EIF3H: variants seen among roughly 807,000 people sequenced by gnomAD.
EIF3H encodes eIF-3-gamma.
In EIF3H, 26 loss-of-function variants were observed where a neutral mutation model predicts 44.2. The observed-to-expected ratio is 0.59, with a 90% confidence interval of 0.43 to 0.82. The LOEUF (loss-of-function observed/expected upper bound fraction) is 0.82, where lower values mean the gene tolerates loss of function less well. Ranked by LOEUF, EIF3H falls within the 40% of genes least tolerant of loss-of-function variation. The pLI is 0.00. For missense variants in EIF3H, 359 were observed against 432.8 expected, an observed-to-expected ratio of 0.83 and a Z score of 1.51; for synonymous variants, 166 against 151.9, an observed-to-expected ratio of 1.09 and a Z score of -0.68.
chr8:116,747,196 G>C (rs763473947), intron 1 of EIF3H, among the ~76,000 whole-genome samples: 11 of 152,120 alleles, frequency 7.2e-5, no homozygotes, highest in Non-Finnish European at 1.5e-4. Flanking sequence ...CTGAGTAACT[G>C]GGATTACAGG....
chr8:116,703,832 G>C (rs1473660613), intron 2 of EIF3H, among the ~76,000 whole-genome samples: 2 of 152,094 alleles, frequency 1.3e-5, no homozygotes, highest in Non-Finnish European at 2.9e-5. Flanking sequence ...CTTTTCTTCT[G>C]TCTCTTTGTC....
At chr8:116,765,319 CATT>C (rs1815559981) in intron 1 of EIF3H, among the ~76,000 whole-genome samples, 1 of 152,210 alleles carries the variant, frequency 6.6e-6, no homozygotes. Context: ...TCAGGGCTAA[CATT>C]ATAGATCTTA....
chr8:116,752,728 GAAAGA>G (rs1273242800), intron 1 of EIF3H, among the ~76,000 whole-genome samples: 6 of 115,546 alleles, frequency 5.2e-5, no homozygotes, highest in South Asian at 3.4e-4. Flanking sequence ...AAGAAAGAAA[GAAAGA>G]AGAGAAAGAA....
At chr8:116,743,771 T>C (rs1047371929) in intron 1 of EIF3H, among the ~76,000 whole-genome samples, 4 of 76,258 alleles carry the variant, frequency 5.2e-5, no homozygotes, top group African/African-American at 2.9e-4. Flanking sequence ...AATACATACA[T>C]ATATATATAT....
At chr8:116,731,777 TGCTGACTAG>T (rs1814953994) in intron 1 of EIF3H, among the ~76,000 whole-genome samples, 2 of 152,212 alleles carry the variant, frequency 1.3e-5, no homozygotes, top group Non-Finnish European at 2.9e-5. Context: ...TAAGAACCGA[TGCTGACTAG>T]ATTTGTTTAC....
At chr8:116,700,396 ATTT>A (rs1202452731) in intron 2 of EIF3H, among the ~76,000 whole-genome samples, 1 of 151,936 alleles carries the variant, frequency 6.6e-6, no homozygotes, top group Non-Finnish European at 1.5e-5. Context: ...ACATTATAAG[ATTT>A]TTTTCTTTTC....
intron 5 of EIF3H, among the ~76,000 whole-genome samples, chr8:116,652,400 T>C (rs117957532): frequency 6.6e-6 from 1 of 152,206 alleles, no homozygotes; most frequent in Non-Finnish European, 1.5e-5. Context: ...ATGAAACAAA[T>C]AGAAAAATTT....
intron 5 of EIF3H, among the ~76,000 whole-genome samples, chr8:116,652,551 T>C (rs751616363): frequency 6.6e-6 from 1 of 152,182 alleles, no homozygotes; most frequent in African/African-American, 2.4e-5. Flanking sequence ...TAGAAGTATT[T>C]AGGGGTTAAA....
At chr8:116,761,015 C>T (rs1815514404) in intron 1 of EIF3H, among the ~76,000 whole-genome samples, 1 of 152,102 alleles carries the variant, frequency 6.6e-6, no homozygotes, top group Non-Finnish European at 1.5e-5. Context: ...AAATGAAAGA[C>T]CCATTTAGTG....
upstream of EIF3H, among the ~76,000 whole-genome samples, chr8:116,756,638 A>G (rs1483766201): frequency 1.3e-5 from 2 of 152,232 alleles, no homozygotes; most frequent in African/African-American, 4.8e-5. Flanking sequence ...AAATAATTAA[A>G]TCAATAAACG....
chr8:116,707,029 T>C (rs1271350699), intron 2 of EIF3H, among the ~76,000 whole-genome samples: 1 of 152,200 alleles, frequency 6.6e-6, no homozygotes, highest in Non-Finnish European at 1.5e-5. Flanking sequence ...TGTATTTTAT[T>C]TGGTTAACTA....
At chr8:116,648,765 C>T (rs1813344862) in intron 6 of EIF3H, 41 bp downstream of exon 6, 6 of 1,543,692 alleles carry the variant, frequency 3.9e-6, no homozygotes, top group African/African-American at 2.8e-5. Flanking sequence ...ATACATGAAA[C>T]TTAGAAATAG....
intron 5 of EIF3H, among the ~76,000 whole-genome samples, chr8:116,655,316 C>G (rs1014435839): frequency 1.3e-5 from 2 of 150,768 alleles, no homozygotes; most frequent in African/African-American, 4.9e-5. Flanking sequence ...TGGAGGAAAT[C>G]GTTATCACCA....
intron 1 of EIF3H, among the ~76,000 whole-genome samples, chr8:116,753,954 G>A (rs1190059731): frequency 1.3e-5 from 2 of 152,078 alleles, no homozygotes; most frequent in Non-Finnish European, 2.9e-5. Flanking sequence ...CATTTCCCAA[G>A]TGCATAAGTG....
chr8:116,677,207 C>G (rs577268576), intron 2 of EIF3H, among the ~76,000 whole-genome samples: 1 of 152,122 alleles, frequency 6.6e-6, no homozygotes, highest in East Asian at 1.9e-4. Flanking sequence ...CAGAAAAATA[C>G]TCTGTGCAAA....
intron 1 of EIF3H, among the ~76,000 whole-genome samples, chr8:116,754,234 C>T (rs536724283): frequency 4.8e-4 from 73 of 152,288 alleles, no homozygotes; most frequent in Non-Finnish European, 8.5e-4. Flanking sequence ...CCGCCTCAGC[C>T]TCCTGAGTAG....
At chr8:116,671,951 A>C (rs1813765107) in intron 2 of EIF3H, among the ~76,000 whole-genome samples, 1 of 152,250 alleles carries the variant, frequency 6.6e-6, no homozygotes, top group South Asian at 2.1e-4. Flanking sequence ...TAATAAATCA[A>C]AGCAGAGAAA....
Position 116,716,795 on chromosome 8 carries a change from T to C in EIF3H, c.289+9221A>G, listed in dbSNP as rs181101602. 1.3e-4 allele frequency among the ~76,000 whole-genome samples: 20 copies of C among 152,182 alleles called. 1 individual carries two copies. Among genetic ancestry groups the C allele is most frequent in the African/African-American group, 4.1e-4 (17 of 41,578 alleles). ...AAAACTTTATTTACAAATCAGATCA[T>C]TGTTTGTCCATCTCTGATTTAAACC... On this transcript the variant is annotated intron_variant, in intron 2 of 7. Transcript: ENST00000521861.
At chr8:116,663,504 G>C (rs1407596673) in intron 2 of EIF3H, among the ~76,000 whole-genome samples, 5 of 152,192 alleles carry the variant, frequency 3.3e-5, no homozygotes, top group Non-Finnish European at 1.5e-5. Context: ...ATCCTCTTGG[G>C]AGGGAGAACT....
Sources: allele counts gnomAD v4.1 joint callset (sites outside exome capture counted in the v4.1 genomes callset), GRCh38; gene constraint gnomAD v4.1.1; transcripts MANE v1.5; gene names NCBI Gene and HGNC (gene_info 2026-07-23, HGNC 2026-07-21).